KMT5B: variants seen among roughly 807,000 people sequenced by gnomAD.
KMT5B encodes the protein lysine methyltransferase 5B.
Under a neutral mutation model 83.2 loss-of-function variants are expected in KMT5B, and 10 were observed. That is an observed-to-expected ratio of 0.12 (90% CI 0.07 to 0.20). The LOEUF is 0.20. Among genes scored for constraint, KMT5B ranks in the 10% least tolerant of loss-of-function variants. KMT5B has a pLI of 1.00. For missense variants in KMT5B, 753 were observed against 1,067.2 expected, an observed-to-expected ratio of 0.71 and a Z score of 4.10; for synonymous variants, 349 against 388.8, an observed-to-expected ratio of 0.90 and a Z score of 1.20.
chr11:68,161,961 C>T (rs1010726607), intron 10 of KMT5B, among the ~76,000 whole-genome samples: 18 of 149,458 alleles, frequency 1.2e-4, no homozygotes, highest in African/African-American at 2.7e-4. Context: ...AGTCTCCTGA[C>T]GACGTCCCCT....
At chr11:68,180,090 G>T in intron 4 of KMT5B, 42 bp downstream of exon 4, 1 of 1,546,310 alleles carries the variant, frequency 6.5e-7, no homozygotes, top group Non-Finnish European at 8.8e-7. Context: ...AGGCTAGAAT[G>T]GGTTAGTCAG....
chr11:68,212,261 A>C (rs887837641), intron 1 of KMT5B, among the ~76,000 whole-genome samples: 3 of 152,298 alleles, frequency 2.0e-5, no homozygotes. Context: ...GGTCCACATC[A>C]CAAAGAACCA....
At chr11:68,194,378 A>T (rs1380258149) in intron 1 of KMT5B, among the ~76,000 whole-genome samples, 1 of 151,964 alleles carries the variant, frequency 6.6e-6, no homozygotes, top group Non-Finnish European at 1.5e-5. Flanking sequence ...TTTTTAGTAG[A>T]GACAGAGTTT....
intron 4 of KMT5B, among the ~76,000 whole-genome samples, chr11:68,176,074 C>T (rs1856349896): frequency 6.6e-6 from 1 of 152,154 alleles, no homozygotes; most frequent in East Asian, 1.9e-4. Context: ...GCCACCATGC[C>T]CAGCTAATTT....
In KMT5B at chr11:68,167,055, G is replaced by C. The variant is rs1303721940; in HGVS notation, c.1101C>G (p.Ser367Arg). ...CAGATTGACTGTCTGAATTTTTGCT[G>C]CTGTCACCTAACTTTTTAAGCCTAT... Reference protein sequence around the residue: ...RLNRLKKLGDSSKNSDSQSVS... With the variant: ...RLNRLKKLGDRSKNSDSQSVS... Residue 367 changes from serine to arginine, a missense_variant, in exon 10 of 11, where the codon AGC (serine) becomes AGG (arginine). Physicochemically the swap from Ser to Arg is moderately radical, Grantham distance 110. Coordinates refer to ENST00000304363, the MANE Select transcript of KMT5B (RefSeq NM_017635.5). The C allele has an allele frequency of 6.2e-7, 1 of 1,614,108 alleles. No individual in the cohort carries two copies. Among genetic ancestry groups the C allele is most frequent in the Admixed American group, 1.7e-5 (1 of 60,014 alleles).
chr11:68,194,212 A>G (rs1238843240), intron 1 of KMT5B, among the ~76,000 whole-genome samples: 4 of 143,246 alleles, frequency 2.8e-5, no homozygotes, highest in African/African-American at 7.8e-5. Flanking sequence ...TTTTTTTGAG[A>G]CAGAGTATCG....
At chr11:68,213,494 C>T (rs1039223554), upstream of KMT5B, 2 of 150,532 alleles carry the variant, frequency 1.3e-5, no homozygotes, top group African/African-American at 2.4e-5. Flanking sequence ...CGCGCACGGC[C>T]GCCCGTACGA....
At chr11:68,200,905 C>T (rs1236930284) in intron 1 of KMT5B, among the ~76,000 whole-genome samples, 1 of 152,118 alleles carries the variant, frequency 6.6e-6, no homozygotes, top group African/African-American at 2.4e-5. Flanking sequence ...AAGGGATTTA[C>T]CCAGCACTGA....
chr11:68,179,200 C>G (rs1401271824), intron 4 of KMT5B, among the ~76,000 whole-genome samples: 1 of 109,426 alleles, frequency 9.1e-6, no homozygotes, highest in African/African-American at 3.6e-5. Context: ...GGGATGGACG[C>G]AAATGTGAAT....
chr11:68,159,392 T>C (rs1209550274), intron 10 of KMT5B, among the ~76,000 whole-genome samples: 1 of 152,200 alleles, frequency 6.6e-6, no homozygotes, highest in African/African-American at 2.4e-5. Flanking sequence ...TTGAGGTAAG[T>C]AGTTGCACGG....
At position 68,171,191 on chromosome 11, in the gene KMT5B, G is replaced by C; in HGVS notation, c.841-40C>G. 6.2e-7 allele frequency: 1 copy of C among 1,605,066 alleles called. No individual in the cohort carries two copies. The highest frequency in any genetic ancestry group is 1.1e-5 in the South Asian group (1 of 88,498). On this transcript the variant is annotated intron_variant, in intron 8 of 10. Coordinates refer to ENST00000304363, the MANE Select transcript of KMT5B (RefSeq NM_017635.5). The surrounding 1 kb of genome is among the most constrained non-coding windows in gnomAD (Gnocchi z 5.1). ...ACTCAGTAAGAAACTCACACCTGAA[G>C]CAAAAACAAAATACTTGAAGAAAAT...
At chr11:68,185,995 T>C (rs1857402454) in intron 2 of KMT5B, 67 bp from the exon 3 acceptor site, 6 of 1,409,476 alleles carry the variant, frequency 4.3e-6, no homozygotes, top group Non-Finnish European at 4.8e-6. Flanking sequence ...TTAAAATCTT[T>C]AGCGGCATTG....
At chr11:68,160,675 A>G (rs1312203378) in intron 10 of KMT5B, among the ~76,000 whole-genome samples, 1 of 152,220 alleles carries the variant, frequency 6.6e-6, no homozygotes, top group Non-Finnish European at 1.5e-5. Flanking sequence ...AGGAGCAAGA[A>G]TGCATCACAA....
chr11:68,185,466 C>T lies in KMT5B; in HGVS notation c.308+315G>A, dbSNP rs138887351. On this transcript the variant is annotated intron_variant, in intron 3 of 10. Transcript: ENST00000304363. ...CAGGTGATCCACCCACCTTGGCCTC[C>T]CAAAGTGTGGGGATTACAGGCGTGA... Among the ~76,000 whole-genome samples the T allele has an allele frequency of 7.4e-4, 113 of 152,326 alleles. 1 individual carries two copies. In the East Asian group the frequency reaches 0.018, roughly 24 times the overall value.
At chr11:68,183,763 G>A (rs922683437) in intron 3 of KMT5B, among the ~76,000 whole-genome samples, 1 of 151,390 alleles carries the variant, frequency 6.6e-6, no homozygotes, top group Non-Finnish European at 1.5e-5. Context: ...GGGTTCACGT[G>A]ATTCTCCTGC....
intron 3 of KMT5B, among the ~76,000 whole-genome samples, chr11:68,183,665 CT>C (rs373952720): frequency 0.14 from 17,833 of 126,290 alleles, 1,202 homozygotes; most frequent in East Asian, 0.26. Flanking sequence ...AGTCCTGTAT[CT>C]TTTTTTTTTT....
rs770295770 is a variant in KMT5B, at chr11:68,158,620, C to G, written c.1726G>C (p.Gly576Arg). The change falls in exon 11 of 11, where the codon GGT (glycine) becomes CGT (arginine). Residue 576 changes from glycine to arginine, a missense_variant. Gly to Arg is a moderately radical substitution (Grantham distance 125). Around this residue, in one of 9 missense-constraint regions of KMT5B, gnomAD observed 397 missense variants for 395.9 expected, o/e 1.00. Coordinates refer to ENST00000304363, the MANE Select transcript of KMT5B (RefSeq NM_017635.5). ...ACAGGAGCTGGCTGCAGCTGTTCAC[C>G]ACTGTCGGGGCAAGGTTCCGTCACA... ...SSVTEPCPDSGEQLQPAPVLQ... is the reference protein window; with the variant it reads ...SSVTEPCPDSREQLQPAPVLQ... The G allele has an allele frequency of 6.2e-7, 1 of 1,614,198 alleles. No homozygotes were observed. The highest frequency in any genetic ancestry group is 1.1e-5 in the South Asian group (1 of 91,084).
At position 68,158,420 on chromosome 11, in the gene KMT5B, T is replaced by C. The variant is rs142276849; in HGVS notation, c.1926A>G (p.Val642=). The C allele has an allele frequency of 5.0e-5, 80 of 1,614,122 alleles. 2 individuals carry two copies. The East Asian group carries it at 1.0e-3, about 21-fold the overall frequency. Residue 642 remains valine, a synonymous_variant, in exon 11 of 11, where the codon GTA becomes GTG. Coordinates refer to ENST00000304363, the MANE Select transcript of KMT5B (RefSeq NM_017635.5). ...CAGAATGGGGACCCATCAAATCTGGTACCGCGTCGTCTTTTCCAGGAGAAT... is the reference window on the plus strand; with the variant it reads ...CAGAATGGGGACCCATCAAATCTGGCACCGCGTCGTCTTTTCCAGGAGAAT... ...VHDSPGKDDA[V]PDLMGPHSDQ... is the part of the protein sequence containing the mutation.
In KMT5B at chr11:68,158,443, A is replaced by G; in HGVS notation, c.1903T>C (p.Ser635Pro). The stretch of plus-strand genomic sequence containing the variant: ...GGTACCGCGTCGTCTTTTCCAGGAG[A>G]ATCGTGCACTGGAGTAGATTCCTCT... ...KIEESTPVHD[S>P]PGKDDAVPDL... Residue 635 changes from serine to proline, a missense_variant, in exon 11 of 11, where the codon TCT becomes CCT. By Grantham distance (74) the Ser-to-Pro change is moderately conservative. This residue lies in a region of KMT5B where 397 missense variants were observed against 395.9 expected (regional missense o/e 1.00). Coordinates refer to ENST00000304363, the MANE Select transcript of KMT5B (RefSeq NM_017635.5). The G allele has an allele frequency of 6.2e-7, 1 of 1,614,092 alleles. No individual in the cohort carries two copies. Among genetic ancestry groups the G allele is most frequent in the Non-Finnish European group, 8.5e-7 (1 of 1,180,012 alleles).
Sources: gnomAD v4.1 joint callset for allele counts (sites outside exome capture counted in the v4.1 genomes callset) on GRCh38, gnomAD v4.1.1 for gene constraint, gnomAD v4.1.1 regional missense constraint, Gnocchi (gnomAD v3.1) non-coding constraint, MANE v1.5 for transcripts, NCBI Gene and HGNC (gene_info 2026-07-23, HGNC 2026-07-21) for gene names.